NFATC2IP: variants seen among roughly 807,000 people sequenced by gnomAD.
NFATC2IP encodes the protein nuclear factor of activated T cells 2 interacting protein.
NFATC2IP carries 25 observed loss-of-function variants against 40.2 expected under a neutral mutation model. The ratio of observed to expected loss-of-function variants is 0.62; its 90% CI spans 0.45 to 0.87. The LOEUF is 0.87. Among genes scored for constraint, NFATC2IP ranks in the 40% least tolerant of loss-of-function variants. The pLI is 0.00. For missense variants in NFATC2IP, 553 were observed against 555.6 expected, an observed-to-expected ratio of 1.00 and a Z score of 0.05; for synonymous variants, 241 against 236.3, an observed-to-expected ratio of 1.02 and a Z score of -0.18.
At chr16:28,958,932 C>A in intron 6 of NFATC2IP, 59 bp from the exon 7 acceptor site, 3 of 1,603,836 alleles carry the variant, frequency 1.9e-6, no homozygotes, top group Non-Finnish European at 2.6e-6. Flanking sequence ...AGAGGTTCAG[C>A]ACGGGCCCTG....
intron 5 of NFATC2IP, 181 bp from the exon 6 acceptor site, chr16:28,958,536 T>C (rs777228350): frequency 1.8e-6 from 1 of 570,148 alleles, no homozygotes; most frequent in African/African-American, 1.9e-5. Flanking sequence ...TTCTTTGTGT[T>C]ACTCGCCTGT....
rs1964964127 is a variant in NFATC2IP at position 28,951,318 on chromosome 16, C to T, written c.307C>T (p.Pro103Ser). 2 of 1,406,022 alleles carry T rather than the reference C, an allele frequency of 1.4e-6. No individual in the cohort carries two copies. The highest frequency in any genetic ancestry group is 1.6e-5 in the South Asian group (1 of 63,072). The allele number at this position is 1,406,022 out of a possible 1,614,324, so 87.1% of individuals were successfully genotyped here. A position where few individuals can be genotyped will look rare whatever the true frequency, so the allele number is the denominator to read the frequency against. The change falls in exon 1 of 8, where the codon CCG becomes TCG. Residue 103 changes from proline to serine, a missense_variant. Coordinates refer to ENST00000320805, the MANE Select transcript of NFATC2IP (RefSeq NM_032815.4). ...GGAGGACAGGCGGCCCGCAGGACCC[C>T]CGCGGGAGCCGGTCAGGCGGCGGCG... ...EGEDRRPAGP[P>S]REPVRRRRRL...
At chr16:28,955,109 G>A (rs912717064) in intron 3 of NFATC2IP, among the ~76,000 whole-genome samples, 1 of 152,086 alleles carries the variant, frequency 6.6e-6, no homozygotes, top group Non-Finnish European at 1.5e-5. Flanking sequence ...TGGGAAAATC[G>A]CTTGATCCCA....
intron 7 of NFATC2IP, among the ~76,000 whole-genome samples, chr16:28,962,663 C>T (rs1965100057): frequency 6.6e-6 from 1 of 152,192 alleles, no homozygotes; most frequent in Non-Finnish European, 1.5e-5. Flanking sequence ...AACTCTTTCC[C>T]AGGGATTTTA....
chr16:28,963,916 C>T lies in NFATC2IP; in HGVS notation c.*53C>T. On this transcript the variant is annotated 3_prime_UTR_variant, in exon 8 of 8. Coordinates refer to ENST00000320805, the MANE Select transcript of NFATC2IP (RefSeq NM_032815.4). ...CCTGGACTTGGGGAGAATGACTTTC[C>T]CTTTTTTGCCCCATAAGGGCTAGCA... 1 of 1,565,372 alleles carries T rather than the reference C, an allele frequency of 6.4e-7. No individual in the cohort carries two copies. The highest frequency in any genetic ancestry group is 8.8e-7 in the Non-Finnish European group (1 of 1,140,082).
In NFATC2IP at chr16:28,952,122, G is replaced by C; in HGVS notation, c.388-10G>C. On this transcript the variant is annotated splice_polypyrimidine_tract_variant and intron_variant, in intron 1 of 7. Coordinates refer to ENST00000320805, the MANE Select transcript of NFATC2IP (RefSeq NM_032815.4). ...TGGGCCTGACCCCTCTCCCTTCTTT[G>C]TCTTTGCAGGTTAAAAGCAGCCTTC... 1.2e-6 allele frequency: 2 copies of C among 1,613,808 alleles called. No homozygotes were observed. Among genetic ancestry groups the C allele is most frequent in the Non-Finnish European group, 1.7e-6 (2 of 1,179,860 alleles).
At chr16:28,954,443 C>T (rs1964998535) in intron 2 of NFATC2IP, 122 bp from the exon 3 acceptor site, 2 of 635,758 alleles carry the variant, frequency 3.1e-6, no homozygotes, top group South Asian at 2.0e-5. Flanking sequence ...CCTGTGTGTG[C>T]CAGGGGCTCC....
chr16:28,963,667 T>C (rs768657658), intron 7 of NFATC2IP, 38 bp from the exon 8 acceptor site: 2 of 1,603,370 alleles, frequency 1.2e-6, no homozygotes, highest in African/African-American at 2.7e-5. Flanking sequence ...CCGCCCCCTT[T>C]CATGTTCTGA....
At chr16:28,962,270 C>T (rs1407560692) in intron 7 of NFATC2IP, among the ~76,000 whole-genome samples, 8 of 152,098 alleles carry the variant, frequency 5.3e-5, no homozygotes, top group Admixed American at 5.2e-4. Flanking sequence ...CTTTCATTTA[C>T]TGGTTTATTA....
chr16:28,960,194 G>A (rs1051417775), intron 7 of NFATC2IP, among the ~76,000 whole-genome samples: 2 of 152,130 alleles, frequency 1.3e-5, no homozygotes, highest in Non-Finnish European at 2.9e-5. Flanking sequence ...CTCTAACCAA[G>A]CACAACCTCA....
At chr16:28,952,521 T>C in intron 2 of NFATC2IP, 1 of 331,694 alleles carries the variant, frequency 3.0e-6, no homozygotes, top group South Asian at 3.7e-5. Context: ...CAGCAGGGTG[T>C]TCTCTGAATC....
At position 28,965,974 on chromosome 16, in the gene NFATC2IP, G is replaced by C. The variant is rs1175170342; in HGVS notation, c.*2111G>C. The C allele has an allele frequency of 6.6e-6, 1 of 152,030 alleles. No homozygotes were observed. Among genetic ancestry groups the C allele is most frequent in the Non-Finnish European group, 1.5e-5 (1 of 68,040 alleles). 9.4% of individuals were successfully genotyped at this position (152,030 alleles called of 1,614,324 possible). On this transcript the variant is annotated 3_prime_UTR_variant, in exon 8 of 8. Transcript: ENST00000320805. ...GGAGGCAGAGGCAGGAGAATCACTT[G>C]AACCCGGGAGGTGGAGGCTGCAGTG...
At position 28,964,267 on chromosome 16, in the gene NFATC2IP, G is replaced by C. The variant is rs528835047; in HGVS notation, c.*404G>C. ...CTTCCAGGCCTGGGATTTACACCACGCCTAGCCCAGCAGAGGCCTTAGTCC... is the reference window on the plus strand; with the variant it reads ...CTTCCAGGCCTGGGATTTACACCACCCCTAGCCCAGCAGAGGCCTTAGTCC... On this transcript the variant is annotated 3_prime_UTR_variant, in exon 8 of 8. Coordinates refer to ENST00000320805, the MANE Select transcript of NFATC2IP (RefSeq NM_032815.4). 1 of 186,164 alleles carries C rather than the reference G, an allele frequency of 5.4e-6. No homozygotes were observed. Among genetic ancestry groups the C allele is most frequent in the Non-Finnish European group, 1.1e-5 (1 of 87,028 alleles). The allele number at this position is 186,164 out of a possible 1,614,324, so 11.5% of individuals were successfully genotyped here. A position where few individuals can be genotyped will look rare whatever the true frequency, so the allele number is the denominator to read the frequency against.
chr16:28,957,107 C>T (rs1965030274), intron 5 of NFATC2IP: 1 of 152,172 alleles, frequency 6.6e-6, no homozygotes, highest in Non-Finnish European at 1.5e-5. Flanking sequence ...GATCTCTGCT[C>T]ACTGAAACCT....
At chr16:28,953,066 T>G (rs1567512136) in intron 2 of NFATC2IP, among the ~76,000 whole-genome samples, 1 of 150,116 alleles carries the variant, frequency 6.7e-6, no homozygotes, top group Non-Finnish European at 1.5e-5. Context: ...CTGTGTGATC[T>G]TAGGCGAGTT....
At position 28,963,718 on chromosome 16, in the gene NFATC2IP, A is replaced by G. The variant is rs1183989265; in HGVS notation, c.1115A>G (p.Lys372Arg). ...GTCTCCATCCAGGATTCCCCTCTAAAGACCCTCATGTCCCACTATGAGGAG... is the reference window on the plus strand; with the variant it reads ...GTCTCCATCCAGGATTCCCCTCTAAGGACCCTCATGTCCCACTATGAGGAG... ...EVSLSRDSPL[K>R]TLMSHYEEAM... The change falls in exon 8 of 8, where the codon AAG (lysine) becomes AGG (arginine). Residue 372 changes from lysine (K) to arginine (R), a missense_variant. Physicochemically the swap from Lys to Arg is conservative, Grantham distance 26 (BLOSUM62 2). Transcript: ENST00000320805. 6.2e-7 allele frequency: 1 copy of G among 1,614,062 alleles called. No individual in the cohort carries two copies. The highest frequency in any genetic ancestry group is 1.7e-5 in the Admixed American group (1 of 60,006).
At chr16:28,963,344 C>T (rs537791191) in intron 7 of NFATC2IP, among the ~76,000 whole-genome samples, 1 of 152,208 alleles carries the variant, frequency 6.6e-6, no homozygotes, top group Non-Finnish European at 1.5e-5. Flanking sequence ...TCGACTCATC[C>T]TCACTCTAGA....
intron 5 of NFATC2IP, chr16:28,958,486 C>T (rs1965045903): frequency 4.4e-6 from 2 of 454,000 alleles, no homozygotes; most frequent in Non-Finnish European, 7.9e-6. Flanking sequence ...GCTGCAATCC[C>T]CACCACCCCT....
chr16:28,964,087 A>T lies in NFATC2IP; in HGVS notation c.*224A>T. On this transcript the variant is annotated 3_prime_UTR_variant, in exon 8 of 8. Coordinates refer to ENST00000320805, the MANE Select transcript of NFATC2IP (RefSeq NM_032815.4). Reference sequence around the variant, plus strand: ...CCCTGGGTGGCCTGTGGCTCCGTCCACAAGTCATGCTGAGTTTTGCAGCCT... The same window carrying T: ...CCCTGGGTGGCCTGTGGCTCCGTCCTCAAGTCATGCTGAGTTTTGCAGCCT... The T allele has an allele frequency of 1.9e-6, 1 of 532,166 alleles. No homozygotes were observed. The highest frequency in any genetic ancestry group is 2.4e-5 in the South Asian group (1 of 41,596). The allele number at this position is 532,166 out of a possible 1,614,324, so 33.0% of individuals were successfully genotyped here. A position where few individuals can be genotyped will look rare whatever the true frequency, so the allele number is the denominator to read the frequency against.
Sources: gnomAD v4.1 joint callset for allele counts (sites outside exome capture counted in the v4.1 genomes callset) on GRCh38, gnomAD v4.1.1 for gene constraint, MANE v1.5 for transcripts, NCBI Gene and HGNC (gene_info 2026-07-23, HGNC 2026-07-21) for gene names.